The following CIMAP1D variants were observed in gnomAD, a reference collection of about 807,000 sequenced individuals.
The protein encoded by CIMAP1D is CIMAP1 family member D, also known as protein CIMAP1D.
At chr19:488,228 T>C in the CIMAP1D span, among the ~76,000 whole-genome samples, 3 of 148,192 alleles carry the variant, frequency 2.0e-5, no homozygotes, top group East Asian at 6.4e-4. Context: ...CTACTAAAAA[T>C]ACAAAAAAAA....
the CIMAP1D span, among the ~76,000 whole-genome samples, chr19:480,719 G>GA: frequency 9.6e-4 from 145 of 150,326 alleles, 5 homozygotes; most frequent in African/African-American, 2.2e-3. Flanking sequence ...AAGGAATGTG[G>GA]GAAGGATGAT....
chr19:472,499 A>G, the CIMAP1D span: 11 of 1,541,064 alleles, frequency 7.1e-6, no homozygotes, highest in Non-Finnish European at 9.6e-6. Context: ...CCTGGCCCCG[A>G]GCCTGCAGCC....
the CIMAP1D span, among the ~76,000 whole-genome samples, chr19:476,459 G>A: frequency 6.6e-6 from 1 of 152,094 alleles, no homozygotes; most frequent in African/African-American, 2.4e-5. Flanking sequence ...CAAAGTGCTG[G>A]GATTACAAGC....
At chr19:472,618 G>C in the CIMAP1D span, 1 of 674,796 alleles carries the variant, frequency 1.5e-6, no homozygotes, top group Non-Finnish European at 2.3e-6. Flanking sequence ...TGAGGATTGG[G>C]GGCCCCGGGG....
the CIMAP1D span, among the ~76,000 whole-genome samples, chr19:482,102 CA>C: frequency 6.6e-6 from 1 of 151,970 alleles, no homozygotes; most frequent in African/African-American, 2.4e-5. Context: ...GTAGTTGTAT[CA>C]AAAAAAGAGA....
At chr19:464,433 A>G in the CIMAP1D span, 1 of 891,408 alleles carries the variant, frequency 1.1e-6, no homozygotes, top group Non-Finnish European at 1.8e-6. Context: ...CTGGCTCCCC[A>G]TGGCCCACAT....
chr19:486,955 T>C, the CIMAP1D span, among the ~76,000 whole-genome samples: 18 of 152,048 alleles, frequency 1.2e-4, no homozygotes, highest in African/African-American at 4.1e-4. Flanking sequence ...TTTCACCATG[T>C]TGGCCAGGCT....
the CIMAP1D span, among the ~76,000 whole-genome samples, chr19:477,694 G>A: frequency 3.3e-5 from 5 of 152,198 alleles, no homozygotes; most frequent in Admixed American, 1.3e-4. Context: ...ACGGAGTCTC[G>A]CTCTGTCGCC....
chr19:481,587 G>A, the CIMAP1D span, among the ~76,000 whole-genome samples: 1 of 150,400 alleles, frequency 6.6e-6, no homozygotes, highest in African/African-American at 2.4e-5. Flanking sequence ...GGATGATGGA[G>A]AAGGATGATG....
the CIMAP1D span, chr19:464,350 G>A: frequency 6.5e-7 from 1 of 1,540,592 alleles, no homozygotes; most frequent in Admixed American, 2.0e-5. Context: ...CCAGGGCCTG[G>A]CGTCACCTCC....
chr19:483,318 A>G, the CIMAP1D span, among the ~76,000 whole-genome samples: 1 of 119,084 alleles, frequency 8.4e-6, no homozygotes, highest in Non-Finnish European at 1.6e-5. Context: ...CCAAAAGGCC[A>G]CTCTATGTCA....
At chr19:468,097 G>A in the CIMAP1D span, among the ~76,000 whole-genome samples, 2 of 152,148 alleles carry the variant, frequency 1.3e-5, no homozygotes, top group Non-Finnish European at 2.9e-5. Context: ...TGGGTGTGGT[G>A]GTGCACACCT....
the CIMAP1D span, among the ~76,000 whole-genome samples, chr19:465,165 G>C: frequency 6.7e-6 from 1 of 150,352 alleles, no homozygotes; most frequent in African/African-American, 2.5e-5. Context: ...GTGGATGGCT[G>C]GGTGGGTAGA....
At chr19:464,292 G>C in the CIMAP1D span, 3 of 1,542,052 alleles carry the variant, frequency 1.9e-6, no homozygotes, top group Non-Finnish European at 2.6e-6. Context: ...GGTGAAAGCC[G>C]GCGGTGTCCG....
At chr19:468,259 G>A in the CIMAP1D span, among the ~76,000 whole-genome samples, 5 of 152,218 alleles carry the variant, frequency 3.3e-5, no homozygotes, top group East Asian at 1.9e-4. Context: ...CCAGCTCCTC[G>A]GAATGCTGAA....
the CIMAP1D span, among the ~76,000 whole-genome samples, chr19:491,269 C>T: frequency 6.6e-6 from 1 of 152,000 alleles, no homozygotes; most frequent in East Asian, 1.9e-4. Flanking sequence ...AGAGTGACTC[C>T]GTCTCAAAAA....
chr19:489,972 C>T, the CIMAP1D span: 10 of 398,270 alleles, frequency 2.5e-5, no homozygotes, highest in African/African-American at 8.2e-5. Context: ...AGAGCGGCGT[C>T]CCCAGAAGCG....
the CIMAP1D span, among the ~76,000 whole-genome samples, chr19:483,366 C>A: frequency 6.6e-6 from 1 of 152,052 alleles, no homozygotes; most frequent in African/African-American, 2.4e-5. Flanking sequence ...ATGGGAAGCC[C>A]TACAGACGCC....
At chr19:464,890 T>TGATGGATG in the CIMAP1D span, among the ~76,000 whole-genome samples, 81 of 148,304 alleles carry the variant, frequency 5.5e-4, no homozygotes, top group East Asian at 2.7e-3. Flanking sequence ...GATGAGTGGA[T>TGATGGATG]GATGGATGGA....
Sources: allele counts gnomAD v4.1 joint callset (sites outside exome capture counted in the v4.1 genomes callset), GRCh38; gene constraint gnomAD v4.1.1; transcripts MANE v1.5; gene names NCBI Gene and HGNC (gene_info 2026-07-23, HGNC 2026-07-21).